The following HABP2 variants were observed in gnomAD, a reference collection of about 807,000 sequenced individuals.
The protein encoded by HABP2 is hyaluronan binding protein 2.
HABP2 carries 65 observed loss-of-function variants against 66.5 expected under a neutral mutation model. The observed-to-expected ratio is 0.98, with a 90% confidence interval of 0.80 to 1.20. The LOEUF (loss-of-function observed/expected upper bound fraction) is 1.20, where lower values mean the gene tolerates loss of function less well. HABP2 is among the 50% of genes most tolerant of loss of function. The pLI is 0.00. For synonymous variants in HABP2, 263 were observed against 253.9 expected, an observed-to-expected ratio of 1.04 and a Z score of -0.34; for missense variants, 786 against 691.0, an observed-to-expected ratio of 1.14 and a Z score of -1.54.
chr10:113,575,002 T>C (rs1415802795), intron 3 of HABP2, among the ~76,000 whole-genome samples: 2 of 145,888 alleles, frequency 1.4e-5, no homozygotes, highest in East Asian at 2.0e-4. Context: ...GTTTTTGTTT[T>C]TGTGGCTTCT....
chr10:113,585,678 CT>C, intron 11 of HABP2, 114 bp from the exon 12 acceptor site: 1 of 772,880 alleles, frequency 1.3e-6, no homozygotes, highest in Non-Finnish European at 2.3e-6. Flanking sequence ...TGGAAAAACC[CT>C]TCCCTTCTGA....
At chr10:113,584,705 C>T (rs1845601641) in intron 11 of HABP2, among the ~76,000 whole-genome samples, 1 of 152,150 alleles carries the variant, frequency 6.6e-6, no homozygotes, top group Admixed American at 6.5e-5. Context: ...AGCATGATCA[C>T]AGGGGATGAT....
intron 9 of HABP2, 57 bp downstream of exon 9, chr10:113,582,188 C>G (rs1432873430): frequency 4.6e-6 from 7 of 1,527,178 alleles, no homozygotes; most frequent in Non-Finnish European, 5.3e-6. Flanking sequence ...GGTGCTCTCC[C>G]CTTCCCCTCT....
intron 3 of HABP2, among the ~76,000 whole-genome samples, chr10:113,574,839 C>T (rs927914488): frequency 3.3e-5 from 5 of 152,166 alleles, no homozygotes; most frequent in African/African-American, 1.2e-4. Flanking sequence ...TGGGACTTTC[C>T]TTCCCTCATG....
intron 1 of HABP2, among the ~76,000 whole-genome samples, chr10:113,562,507 C>T (rs867190168): frequency 2.7e-5 from 4 of 148,620 alleles, no homozygotes; most frequent in South Asian, 2.1e-4. Context: ...TGCAGTGGCA[C>T]GATCTCTGCT....
Position 113,589,492 on chromosome 10 carries a change from T to TC in HABP2, c.*1124dup. 1.4e-6 allele frequency: 1 copy of TC among 710,742 alleles called. No individual in the cohort carries two copies. Among genetic ancestry groups the TC allele is most frequent in the Admixed American group, 2.9e-5 (1 of 34,284 alleles). The allele number at this position is 710,742 out of a possible 1,614,324, so 44.0% of individuals were successfully genotyped here. On this transcript the variant is annotated 3_prime_UTR_variant, in exon 13 of 13. Coordinates refer to ENST00000351270, the MANE Select transcript of HABP2 (RefSeq NM_004132.5). ...CCCTGCAGGAAGTTTAACCTGCGTGTCATCTGCCTGGTCATCTCAGACCCA... is the reference window on the plus strand; with the variant it reads ...CCCTGCAGGAAGTTTAACCTGCGTGTCCATCTGCCTGGTCATCTCAGACCCA...
chr10:113,555,036 T>C (rs1221158412), intron 1 of HABP2, among the ~76,000 whole-genome samples: 1 of 152,136 alleles, frequency 6.6e-6, no homozygotes, highest in Admixed American at 6.5e-5. Context: ...TTGGAGAGTT[T>C]GGGGCGTCAT....
intron 1 of HABP2, among the ~76,000 whole-genome samples, chr10:113,560,173 C>A (rs1302607151): frequency 6.6e-6 from 1 of 152,224 alleles, no homozygotes; most frequent in Non-Finnish European, 1.5e-5. Flanking sequence ...GTTTTGCCCC[C>A]TTCCCCTGAG....
chr10:113,571,479 C>T (rs1845310539), intron 2 of HABP2, among the ~76,000 whole-genome samples: 1 of 152,050 alleles, frequency 6.6e-6, no homozygotes, highest in Non-Finnish European at 1.5e-5. Flanking sequence ...GGCACACCGT[C>T]CTTCCATCAC....
At chr10:113,572,693 A>G (rs1218082652) in intron 2 of HABP2, 3 of 455,236 alleles carry the variant, frequency 6.6e-6, no homozygotes, top group African/African-American at 2.0e-5. Flanking sequence ...CAGGAAGACA[A>G]TGGCCTTATC....
rs1845428453 is a variant in HABP2 at position 113,577,230 on chromosome 10, T to C, written c.412T>C (p.Cys138Arg). The change falls in exon 5 of 13, where the codon TGT becomes CGT. Residue 138 changes from cysteine (C) to arginine (R), a missense_variant. Transcript: ENST00000351270. ...TQSPPYYRCV[C>R]KHPYTGPSCS... Reference sequence around the variant, plus strand: ...GAGTCCTCCCTACTACCGCTGTGTCTGTAAACACCCTTACACAGGTCCCAG... The same window carrying C: ...GAGTCCTCCCTACTACCGCTGTGTCCGTAAACACCCTTACACAGGTCCCAG... 6.2e-7 allele frequency: 1 copy of C among 1,609,692 alleles called. No individual in the cohort carries two copies.
chr10:113,581,800 C>G, intron 8 of HABP2, 76 bp from the exon 9 acceptor site: 1 of 1,482,872 alleles, frequency 6.7e-7, no homozygotes, highest in Non-Finnish European at 9.4e-7. Flanking sequence ...GGCTCAGAGT[C>G]ATACCTCTGC....
chr10:113,577,875 A>G, intron 5 of HABP2, 151 bp from the exon 6 acceptor site: 1 of 820,118 alleles, frequency 1.2e-6, no homozygotes, highest in Non-Finnish European at 2.0e-6. Context: ...CACTTACTAG[A>G]GTGTCAGTGG....
chr10:113,567,468 C>T, intron 1 of HABP2, 21 bp from the exon 2 acceptor site: 1 of 1,604,820 alleles, frequency 6.2e-7, no homozygotes, highest in South Asian at 1.1e-5. Flanking sequence ...CGCTGATCTG[C>T]TGTGTTGTTT....
At chr10:113,570,219 T>A (rs756291440) in intron 2 of HABP2, 1 of 152,222 alleles carries the variant, frequency 6.6e-6, no homozygotes, top group Non-Finnish European at 1.5e-5. Context: ...AAAATAGGAA[T>A]AATAATACCT....
In HABP2 at chr10:113,588,332, G is replaced by T; in HGVS notation, c.1646G>T (p.Trp549Leu). 6.2e-7 allele frequency: 1 copy of T among 1,613,676 alleles called. No homozygotes were observed. The highest frequency in any genetic ancestry group is 1.1e-5 in the South Asian group (1 of 90,994). ...VYTQVTKFLN[W>L]IKATIKSESG... ...ACCCAAGTTACCAAATTCCTGAATT[G>T]GATCAAAGCCACCATCAAAAGTGAA... The change falls in exon 13 of 13, where the codon TGG (tryptophan) becomes TTG (leucine). Residue 549 changes from tryptophan to leucine, a missense_variant. By Grantham distance (61) the Trp-to-Leu change is moderately conservative. Coordinates refer to ENST00000351270, the MANE Select transcript of HABP2 (RefSeq NM_004132.5).
intron 2 of HABP2, among the ~76,000 whole-genome samples, 200 bp from the exon 3 acceptor site, chr10:113,574,089 G>A (rs1845361368): frequency 6.6e-6 from 1 of 152,096 alleles, no homozygotes; most frequent in Admixed American, 6.6e-5. Flanking sequence ...TACCTTGCCG[G>A]GTCATAGCGT....
chr10:113,567,436 G>GC (rs1307818847), intron 1 of HABP2, 53 bp from the exon 2 acceptor site: 52 of 1,418,730 alleles, frequency 3.7e-5, no homozygotes, highest in Non-Finnish European at 5.0e-5. Flanking sequence ...TAAGGAGCAC[G>GC]CCCGGCAGAG....
At position 113,578,686 on chromosome 10, in the gene HABP2, G is replaced by C. The variant is rs1565104957; in HGVS notation, c.628G>C (p.Val210Leu). The C allele has an allele frequency of 1.2e-6, 2 of 1,611,400 alleles. No homozygotes were observed. The highest frequency in any genetic ancestry group is 8.5e-7 in the Non-Finnish European group (1 of 1,177,746). The stretch of plus-strand genomic sequence containing the variant: ...TTACCGAGGGAAAATGAATAGGACA[G>C]TCAACCAGCATGCGTGCCTTTACTG... ...YSYRGKMNRTVNQHACLYWNS... is the reference protein window; with the variant it reads ...YSYRGKMNRTLNQHACLYWNS... The change falls in exon 7 of 13, where the codon GTC (valine) becomes CTC (leucine). Residue 210 changes from valine (V) to leucine (L), a missense_variant. Transcript: ENST00000351270.
Sources: allele counts gnomAD v4.1 joint callset (sites outside exome capture counted in the v4.1 genomes callset), GRCh38; gene constraint gnomAD v4.1.1; transcripts MANE v1.5; gene names NCBI Gene and HGNC (gene_info 2026-07-23, HGNC 2026-07-21).